ASB5: variants seen among roughly 807,000 people sequenced by gnomAD.
ASB5 encodes the protein ankyrin repeat and SOCS box protein 5.
In ASB5, 45 loss-of-function variants were observed where a neutral mutation model predicts 42.1. That is an observed-to-expected ratio of 1.07 (90% confidence interval 0.84 to 1.37). ASB5 has a LOEUF of 1.37. Among genes scored for constraint, ASB5 ranks in the 40% most tolerant of loss-of-function variants. The pLI is 0.00. For synonymous variants in ASB5, 147 were observed against 150.6 expected, an observed-to-expected ratio of 0.98 and a Z score of 0.18; for missense variants, 402 against 399.8, an observed-to-expected ratio of 1.01 and a Z score of -0.05.
intron 1 of ASB5, among the ~76,000 whole-genome samples, chr4:176,245,227 G>A (rs1753886492): frequency 6.6e-6 from 1 of 152,176 alleles, no homozygotes; most frequent in Admixed American, 6.5e-5. Flanking sequence ...CCATCAAAAA[G>A]TGGGGAGAGG....
intron 1 of ASB5, among the ~76,000 whole-genome samples, chr4:176,253,947 T>A (rs1249680852): frequency 6.6e-6 from 1 of 152,224 alleles, no homozygotes; most frequent in African/African-American, 2.4e-5. Flanking sequence ...GCTCGTGGAT[T>A]TGAAAAATCA....
intron 5 of ASB5, among the ~76,000 whole-genome samples, chr4:176,220,045 C>A (rs6812402): frequency 0.38 from 57,684 of 151,790 alleles, 11,205 homozygotes; most frequent in Non-Finnish European, 0.43. Context: ...ACAAACAAAC[C>A]AAAAACTTAT....
In ASB5 at chr4:176,225,342, C is replaced by G. The variant is rs1176999955; in HGVS notation, c.197-1G>C. 6.2e-7 allele frequency: 1 copy of G among 1,611,460 alleles called. No individual in the cohort carries two copies. Among genetic ancestry groups the G allele is most frequent in the Admixed American group, 1.7e-5 (1 of 59,488 alleles). On this transcript the variant is annotated splice_acceptor_variant, in intron 1 of 6. Coordinates refer to ENST00000296525, the MANE Select transcript of ASB5 (RefSeq NM_080874.4). LOFTEE classifies it high-confidence loss of function. ...AGTGGTGATCGATCTGCCCAGGAACCTGTCAAAAAAGAAAAAAAGAAAGAA... is the reference window on the plus strand; with the variant it reads ...AGTGGTGATCGATCTGCCCAGGAACGTGTCAAAAAAGAAAAAAAGAAAGAA...
At chr4:176,215,886 C>T (rs1752953960) in intron 6 of ASB5, among the ~76,000 whole-genome samples, 159 bp from the exon 7 acceptor site, 1 of 152,026 alleles carries the variant, frequency 6.6e-6, no homozygotes, top group Non-Finnish European at 1.5e-5. Flanking sequence ...AGTTATATTG[C>T]TTTTATTTAT....
In ASB5 at chr4:176,225,274, T is replaced by C. The variant is rs770141018; in HGVS notation, c.264A>G (p.Thr88=). The change falls in exon 2 of 7, where the codon ACA becomes ACG. Residue 88 remains threonine, a synonymous_variant. Transcript: ENST00000296525. The part of the protein sequence containing the change: ...ASQGRLLALR[T]LLSQGYNVNA... ...TGTAATATATTACCTGTGATAATAA[T>C]GTTCTCAGAGCAAGAAGGCGACCTT... 3 of 1,612,684 alleles carry C rather than the reference T, an allele frequency of 1.9e-6. No homozygotes were observed. Among genetic ancestry groups the C allele is most frequent in the South Asian group, 1.1e-5 (1 of 91,048 alleles).
At chr4:176,251,810 T>C (rs554352541) in intron 1 of ASB5, among the ~76,000 whole-genome samples, 3 of 151,710 alleles carry the variant, frequency 2.0e-5, no homozygotes, top group African/African-American at 7.2e-5. Flanking sequence ...CTCACGCCTA[T>C]AATCCCAGCA....
chr4:176,222,230 A>T, intron 3 of ASB5, 83 bp downstream of exon 3: 1 of 1,261,668 alleles, frequency 7.9e-7, no homozygotes, highest in Non-Finnish European at 1.1e-6. Flanking sequence ...CCGAGAATGA[A>T]GGAAAGAAAA....
chr4:176,216,960 A>G lies in ASB5; in HGVS notation c.720T>C (p.Ala240=). 1.2e-6 allele frequency: 2 copies of G among 1,613,886 alleles called. No homozygotes were observed. The highest frequency in any genetic ancestry group is 1.7e-6 in the Non-Finnish European group (2 of 1,179,906). The part of the protein sequence containing the change: ...GKYWDTPLHA[A]AQQSSTEIVN... The stretch of plus-strand genomic sequence containing the variant: ...CAATTTCTGTGCTGGATTGTTGAGC[A>G]GCAGCATGTAATGGAGTATCCCAAT... The change falls in exon 6 of 7, where the codon GCT becomes GCC. Residue 240 remains alanine (A), a synonymous_variant. Coordinates refer to ENST00000296525, the MANE Select transcript of ASB5 (RefSeq NM_080874.4).
chr4:176,248,318 G>A (rs1753951555), intron 1 of ASB5, among the ~76,000 whole-genome samples: 2 of 152,026 alleles, frequency 1.3e-5, no homozygotes, highest in Non-Finnish European at 2.9e-5. Context: ...TGTACAGATG[G>A]GGTTTTGCCA....
chr4:176,215,423 T>C lies in ASB5; in HGVS notation c.*177A>G, dbSNP rs1752939512. The stretch of plus-strand genomic sequence containing the variant: ...AATATGCTATAATCCAAAGACAGCA[T>C]AAATGATAAAACAATAGTACTAATA... On this transcript the variant is annotated 3_prime_UTR_variant, in exon 7 of 7. Transcript: ENST00000296525. 2.0e-6 allele frequency: 1 copy of C among 496,046 alleles called. No individual in the cohort carries two copies. The highest frequency in any genetic ancestry group is 2.0e-5 in the African/African-American group (1 of 50,226). 30.7% of individuals were successfully genotyped at this position (496,046 alleles called of 1,614,324 possible). A position where few individuals can be genotyped will look rare whatever the true frequency, so the allele number is the denominator to read the frequency against.
rs1752905951 is a variant in ASB5 at position 176,214,134 on chromosome 4, A to G, written c.*1466T>C. The G allele has an allele frequency of 6.6e-6, 1 of 152,160 alleles. No homozygotes were observed. The highest frequency in any genetic ancestry group is 2.4e-5 in the African/African-American group (1 of 41,444). The allele number at this position is 152,160 out of a possible 1,614,324, so 9.4% of individuals were successfully genotyped here. A position where few individuals can be genotyped will look rare whatever the true frequency, so the allele number is the denominator to read the frequency against. ...TTTGAAAATCTCAACAAACGTTTTA[A>G]ATCACAACTGATTTTTTTTCTTTCT... On this transcript the variant is annotated 3_prime_UTR_variant, in exon 7 of 7. Coordinates refer to ENST00000296525, the MANE Select transcript of ASB5 (RefSeq NM_080874.4).
At position 176,246,491 on chromosome 4, in the gene ASB5, T is replaced by C. The variant is rs193010717; in HGVS notation, c.197-21150A>G. 2.8e-3 allele frequency among the ~76,000 whole-genome samples: 423 copies of C among 152,300 alleles called. 8 individuals are homozygous for C. Among genetic ancestry groups the C allele is most frequent in the Non-Finnish European group, 3.8e-4 (26 of 68,024 alleles). On this transcript the variant is annotated intron_variant, in intron 1 of 6. Coordinates refer to ENST00000296525, the MANE Select transcript of ASB5 (RefSeq NM_080874.4). Reference sequence around the variant, plus strand: ...GACCACAGAGTATGAGTGTAGACAGTCCACACCACAGTGCAGTTGCTTATT... The same window carrying C: ...GACCACAGAGTATGAGTGTAGACAGCCCACACCACAGTGCAGTTGCTTATT...
upstream of ASB5, among the ~76,000 whole-genome samples, chr4:176,273,715 C>G (rs897090548): frequency 2.0e-5 from 3 of 152,126 alleles, no homozygotes; most frequent in African/African-American, 7.2e-5. Context: ...GAGATCTGCC[C>G]TAACTAGAAA....
At chr4:176,229,281 T>C (rs1379426063) in intron 1 of ASB5, among the ~76,000 whole-genome samples, 4 of 152,316 alleles carry the variant, frequency 2.6e-5, no homozygotes, top group East Asian at 1.9e-4. Context: ...GTTGGGAATG[T>C]AAAGGCCTAG....
intron 1 of ASB5, among the ~76,000 whole-genome samples, chr4:176,235,659 G>T: frequency 6.6e-6 from 1 of 152,022 alleles, no homozygotes; most frequent in Middle Eastern, 3.2e-3. Context: ...ATAATTATCT[G>T]CTTAGGGTAA....
intron 1 of ASB5, among the ~76,000 whole-genome samples, chr4:176,246,468 C>T (rs368094938): frequency 6.6e-6 from 1 of 152,204 alleles, no homozygotes; most frequent in East Asian, 1.9e-4. Flanking sequence ...CTAGCCATGA[C>T]CACAGAGTAT....
intron 1 of ASB5, among the ~76,000 whole-genome samples, chr4:176,230,903 C>T (rs1235359187): frequency 6.6e-6 from 1 of 152,140 alleles, no homozygotes; most frequent in Non-Finnish European, 1.5e-5. Flanking sequence ...TAATTTAACT[C>T]TTTAGGATAA....
chr4:176,239,517 GTATAT>G (rs1390326457), intron 1 of ASB5, among the ~76,000 whole-genome samples: 2 of 152,052 alleles, frequency 1.3e-5, no homozygotes, highest in African/African-American at 4.8e-5. Context: ...TTTAGACACC[GTATAT>G]TATAATGATC....
chr4:176,219,584 ATATAT>A (rs1561251289), intron 5 of ASB5, among the ~76,000 whole-genome samples: 646 of 49,022 alleles, frequency 0.013, 176 homozygotes, highest in African/African-American at 0.026. Context: ...TGATATATAT[ATATAT>A]ATATATATAT....
Sources: allele counts gnomAD v4.1 joint callset (sites outside exome capture counted in the v4.1 genomes callset), GRCh38; gene constraint gnomAD v4.1.1; transcripts MANE v1.5; gene names NCBI Gene and HGNC (gene_info 2026-07-23, HGNC 2026-07-21).